Variants in ADGRL3 observed in about 807,000 individuals in gnomAD.
The protein encoded by ADGRL3 is calcium-independent alpha-latrotoxin receptor 3.
In ADGRL3, 62 loss-of-function variants were observed where a neutral mutation model predicts 153.5. That is an observed-to-expected ratio of 0.40 (90% CI 0.33 to 0.50). The LOEUF is 0.50. Among genes scored for constraint, ADGRL3 ranks in the 20% least tolerant of loss-of-function variants. The probability of loss-of-function intolerance (pLI) is 0.47; values close to 1 mark genes in which losing one functional copy is unlikely to be tolerated. For missense variants in ADGRL3, 1,641 were observed against 1,859.4 expected, an observed-to-expected ratio of 0.88 and a Z score of 2.16; for synonymous variants, 710 against 672.5, an observed-to-expected ratio of 1.06 and a Z score of -0.86.
intron 2 of ADGRL3, among the ~76,000 whole-genome samples, chr4:61,407,806 G>C (rs181430457): frequency 3.9e-5 from 6 of 152,262 alleles, no homozygotes; most frequent in Non-Finnish European, 5.9e-5. Flanking sequence ...TCTCAAGTAT[G>C]TATGTACTCT....
intron 19 of ADGRL3, among the ~76,000 whole-genome samples, chr4:61,987,539 A>G (rs541422493): frequency 6.6e-6 from 1 of 152,114 alleles, no homozygotes; most frequent in East Asian, 1.9e-4. Flanking sequence ...TTTTTTTCAC[A>G]CATCTCTGCT....
intron 4 of ADGRL3, among the ~76,000 whole-genome samples, chr4:61,585,055 A>C (rs2149330612): frequency 6.6e-6 from 1 of 152,152 alleles, no homozygotes; most frequent in Admixed American, 6.6e-5. Context: ...AAACTTTAAA[A>C]GTAACATTAT....
At chr4:62,005,846 T>G (rs1453848873) in intron 21 of ADGRL3, among the ~76,000 whole-genome samples, 2 of 150,672 alleles carry the variant, frequency 1.3e-5, no homozygotes, top group African/African-American at 4.9e-5. Context: ...GATTTGATTT[T>G]ATCCTTGTTT....
At chr4:61,466,381 C>T (rs1024988517) in intron 2 of ADGRL3, among the ~76,000 whole-genome samples, 2 of 151,972 alleles carry the variant, frequency 1.3e-5, no homozygotes, top group Admixed American at 6.6e-5. Context: ...TTTCAAAAGC[C>T]CTAAACATTT....
chr4:61,882,998 C>G (rs1165551333), intron 9 of ADGRL3, among the ~76,000 whole-genome samples: 1 of 152,106 alleles, frequency 6.6e-6, no homozygotes, highest in African/African-American at 2.4e-5. Context: ...TACCTGTAAC[C>G]GCAGCTACTG....
At chr4:61,822,886 T>G (rs1011100154) in intron 9 of ADGRL3, among the ~76,000 whole-genome samples, 14 of 152,212 alleles carry the variant, frequency 9.2e-5, no homozygotes, top group African/African-American at 3.4e-4. Context: ...GGTACTGTCA[T>G]GCTCTGAACA....
chr4:61,989,543 G>A (rs1037074803), intron 19 of ADGRL3, among the ~76,000 whole-genome samples: 3 of 152,004 alleles, frequency 2.0e-5, no homozygotes, highest in Non-Finnish European at 2.9e-5. Flanking sequence ...TTATGTGTAT[G>A]TGTAGTAAAT....
chr4:61,231,960 A>AGGC (rs1750838679), intron 1 of ADGRL3, among the ~76,000 whole-genome samples: 1 of 151,768 alleles, frequency 6.6e-6, no homozygotes, highest in African/African-American at 2.4e-5. Context: ...GAAACAAAGG[A>AGGC]GGCAGTGTGT....
chr4:61,456,370 TATATCTATATATATATATAG>T (rs1396885937), intron 2 of ADGRL3, among the ~76,000 whole-genome samples: 5 of 136,084 alleles, frequency 3.7e-5, no homozygotes, highest in African/African-American at 1.4e-4. Context: ...GAGATATAGA[TATATCTATATATATATATAG>T]ATATATCTAT....
intron 8 of ADGRL3, among the ~76,000 whole-genome samples, chr4:61,801,367 A>G (rs1030785825): frequency 1.3e-5 from 2 of 152,152 alleles, no homozygotes; most frequent in Non-Finnish European, 2.9e-5. Flanking sequence ...AATGTTGATG[A>G]TAAGAACCAA....
At chr4:61,773,042 G>A (rs1229751912) in intron 8 of ADGRL3, among the ~76,000 whole-genome samples, 1 of 152,106 alleles carries the variant, frequency 6.6e-6, no homozygotes, top group Non-Finnish European at 1.5e-5. Flanking sequence ...ACATGCATAA[G>A]GTGTTCATTA....
intron 8 of ADGRL3, among the ~76,000 whole-genome samples, chr4:61,811,932 G>A (rs1023053897): frequency 6.6e-6 from 1 of 151,876 alleles, no homozygotes; most frequent in African/African-American, 2.4e-5. Context: ...ATATGCTAAG[G>A]TTATTTTGAG....
At chr4:61,455,294 C>G (rs2097721991) in intron 2 of ADGRL3, among the ~76,000 whole-genome samples, 1 of 152,054 alleles carries the variant, frequency 6.6e-6, no homozygotes, top group Admixed American at 6.6e-5. Context: ...TAAAAATGAA[C>G]AAGGAGAATT....
At chr4:61,815,533 A>G (rs1297430696) in intron 9 of ADGRL3, among the ~76,000 whole-genome samples, 1 of 152,236 alleles carries the variant, frequency 6.6e-6, no homozygotes, top group Non-Finnish European at 1.5e-5. Context: ...TTGAAGAGAC[A>G]TGACATTTCA....
At chr4:61,663,051 C>T (rs2094657180) in intron 5 of ADGRL3, among the ~76,000 whole-genome samples, 1 of 152,194 alleles carries the variant, frequency 6.6e-6, no homozygotes, top group South Asian at 2.1e-4. Context: ...CATCTCTTTG[C>T]TTTGCTCACC....
intron 4 of ADGRL3, among the ~76,000 whole-genome samples, chr4:61,561,239 A>G (rs573028903): frequency 8.0e-4 from 122 of 152,330 alleles, no homozygotes; most frequent in African/African-American, 2.9e-3. Context: ...GCATTATTTA[A>G]CAATGCCATT....
At chr4:61,912,847 T>A in intron 13 of ADGRL3, 90 bp downstream of exon 13, 1 of 1,220,038 alleles carries the variant, frequency 8.2e-7, no homozygotes, top group Non-Finnish European at 1.2e-6. Context: ...AATGATAATG[T>A]ACCTTACTGA....
At chr4:61,744,324 C>G (rs2096624111) in intron 8 of ADGRL3, among the ~76,000 whole-genome samples, 1 of 152,186 alleles carries the variant, frequency 6.6e-6, no homozygotes, top group Admixed American at 6.5e-5. Context: ...CCTCTGCATA[C>G]TTAAGTGTCC....
At chr4:61,631,954 C>CTT (rs1310003481) in intron 5 of ADGRL3, among the ~76,000 whole-genome samples, 2 of 151,932 alleles carry the variant, frequency 1.3e-5, no homozygotes, top group Admixed American at 6.6e-5. Flanking sequence ...AAAGAACAAT[C>CTT]TAACTAGTAG....
Sources: allele counts gnomAD v4.1 joint callset (sites outside exome capture counted in the v4.1 genomes callset), GRCh38; gene constraint gnomAD v4.1.1; transcripts MANE v1.5; gene names NCBI Gene and HGNC (gene_info 2026-07-23, HGNC 2026-07-21).